PLCB1: variants seen among roughly 807,000 people sequenced by gnomAD.
PLCB1 encodes the protein phospholipase C beta 1, also known as 1-phosphatidylinositol 4,5-bisphosphate phosphodiesterase beta-1.
In PLCB1, 46 loss-of-function variants were observed where a neutral mutation model predicts 161.8. That is an observed-to-expected ratio of 0.28 (90% confidence interval 0.22 to 0.36). The LOEUF is 0.36. Ranked by LOEUF, PLCB1 falls within the 10% of genes least tolerant of loss-of-function variation. The probability of loss-of-function intolerance (pLI) is 1.00; values close to 1 mark genes in which losing one functional copy is unlikely to be tolerated. For missense variants in PLCB1, 1,016 were observed against 1,472.5 expected (o/e 0.69, Z 5.07); for synonymous variants, 517 against 503.7 (o/e 1.03, Z -0.35).
At chr20:8,657,158 G>T (rs2123318711) in intron 7 of PLCB1, 26 bp from the exon 8 acceptor site, 1 of 1,318,704 alleles carries the variant, frequency 7.6e-7, no homozygotes, top group African/African-American at 1.4e-5. Context: ...AAGACCATTT[G>T]CTGACTCCGT....
At chr20:8,550,287 G>A (rs940659241) in intron 3 of PLCB1, among the ~76,000 whole-genome samples, 1 of 151,996 alleles carries the variant, frequency 6.6e-6, no homozygotes, top group African/African-American at 2.4e-5. Context: ...GAGTAATATG[G>A]TTTAGCTCTG....
intron 18 of PLCB1, among the ~76,000 whole-genome samples, chr20:8,731,739 T>C (rs2123497043): frequency 6.6e-6 from 1 of 152,130 alleles, no homozygotes; most frequent in Non-Finnish European, 1.5e-5. Flanking sequence ...TTATTTGTTG[T>C]GTATTATTTT....
intron 3 of PLCB1, among the ~76,000 whole-genome samples, chr20:8,505,595 C>T (rs1428035069): frequency 6.6e-6 from 1 of 152,192 alleles, no homozygotes; most frequent in Non-Finnish European, 1.5e-5. Flanking sequence ...TATTACTGTA[C>T]CGTCAAGTGA....
intron 1 of PLCB1, among the ~76,000 whole-genome samples, chr20:8,141,196 G>A (rs1315758911): frequency 2.6e-5 from 4 of 152,278 alleles, no homozygotes; most frequent in African/African-American, 7.2e-5. Flanking sequence ...TACATATGAA[G>A]CTTAGATCCC....
intron 31 of PLCB1, chr20:8,802,218 G>A (rs1411865930): frequency 3.1e-6 from 3 of 980,560 alleles, no homozygotes; most frequent in Non-Finnish European, 4.8e-6. Flanking sequence ...AGGGTGGTGT[G>A]TAGCCATCCA....
At chr20:8,242,365 G>C (rs1463802524) in intron 2 of PLCB1, among the ~76,000 whole-genome samples, 2 of 151,904 alleles carry the variant, frequency 1.3e-5, no homozygotes, top group African/African-American at 4.8e-5. Context: ...CAGCCTGGGA[G>C]CAGGTTCTTT....
At chr20:8,459,791 C>T (rs1332018787) in intron 3 of PLCB1, among the ~76,000 whole-genome samples, 2 of 152,208 alleles carry the variant, frequency 1.3e-5, no homozygotes, top group Non-Finnish European at 2.9e-5. Context: ...CACCGCTTTG[C>T]ATGGTACAAC....
At chr20:8,857,598 A>G (rs763694854) in intron 31 of PLCB1, among the ~76,000 whole-genome samples, 4 of 152,216 alleles carry the variant, frequency 2.6e-5, no homozygotes, top group Non-Finnish European at 4.4e-5. Context: ...ACTGGGCCAT[A>G]GGGAATATGA....
At chr20:8,634,446 T>G (rs911538084) in intron 4 of PLCB1, among the ~76,000 whole-genome samples, 1 of 152,174 alleles carries the variant, frequency 6.6e-6, no homozygotes, top group African/African-American at 2.4e-5. Context: ...CTATATCAGT[T>G]TCTTGTGCAC....
At chr20:8,379,148 G>A (rs1166452654) in intron 3 of PLCB1, among the ~76,000 whole-genome samples, 2 of 150,584 alleles carry the variant, frequency 1.3e-5, no homozygotes, top group East Asian at 3.9e-4. Context: ...TCCCCTCCCT[G>A]TGTCCACATG....
intron 3 of PLCB1, among the ~76,000 whole-genome samples, chr20:8,621,091 A>G (rs1028425008): frequency 6.6e-6 from 1 of 152,218 alleles, no homozygotes; most frequent in African/African-American, 2.4e-5. Flanking sequence ...TGTGCATTCT[A>G]TTAACAAACA....
chr20:8,675,617 G>T (rs1032904618), intron 9 of PLCB1, among the ~76,000 whole-genome samples: 37 of 152,116 alleles, frequency 2.4e-4, no homozygotes, highest in African/African-American at 8.5e-4. Context: ...CTGCAGTATG[G>T]TATAGTAGAA....
intron 1 of PLCB1, among the ~76,000 whole-genome samples, chr20:8,140,077 C>G (rs562142252): frequency 4.5e-4 from 69 of 152,268 alleles, no homozygotes; most frequent in African/African-American, 1.5e-3. Context: ...AGTGGCCACT[C>G]CCTGTTGGCA....
At chr20:8,586,337 T>G (rs1986989393) in intron 3 of PLCB1, among the ~76,000 whole-genome samples, 1 of 145,586 alleles carries the variant, frequency 6.9e-6, no homozygotes. Context: ...TTCTTTTTCT[T>G]TTTTATTTAT....
chr20:8,866,058 A>C (rs1417035749), intron 31 of PLCB1, among the ~76,000 whole-genome samples: 1 of 152,230 alleles, frequency 6.6e-6, no homozygotes, highest in Non-Finnish European at 1.5e-5. Flanking sequence ...ATCTATTAAC[A>C]AAAGGATCTG....
chr20:8,688,794 G>A (rs1990411846), intron 10 of PLCB1, among the ~76,000 whole-genome samples: 1 of 152,100 alleles, frequency 6.6e-6, no homozygotes, highest in African/African-American at 2.4e-5. Flanking sequence ...TTCCAGATTT[G>A]TTCTTTTTGC....
chr20:8,230,396 T>TG (rs1979965987), intron 2 of PLCB1, among the ~76,000 whole-genome samples: 1 of 152,168 alleles, frequency 6.6e-6, no homozygotes, highest in African/African-American at 2.4e-5. Flanking sequence ...TTATCATTTT[T>TG]TGTGTGTGTG....
At chr20:8,309,953 T>C (rs1984320205) in intron 2 of PLCB1, among the ~76,000 whole-genome samples, 1 of 152,214 alleles carries the variant, frequency 6.6e-6, no homozygotes, top group Non-Finnish European at 1.5e-5. Context: ...AGTACTGATA[T>C]GGTTGATTGG....
chr20:8,690,708 T>C (rs1187682448), intron 10 of PLCB1, among the ~76,000 whole-genome samples: 1 of 152,196 alleles, frequency 6.6e-6, no homozygotes, highest in Non-Finnish European at 1.5e-5. Flanking sequence ...TGTGGTTAAT[T>C]TGTTAGTCTT....
Sources: allele counts gnomAD v4.1 joint callset (sites outside exome capture counted in the v4.1 genomes callset), GRCh38; gene constraint gnomAD v4.1.1; transcripts MANE v1.5; gene names NCBI Gene and HGNC (gene_info 2026-07-23, HGNC 2026-07-21).